PHKA2: variants seen among roughly 807,000 people sequenced by gnomAD.
PHKA2 encodes phosphorylase kinase regulatory subunit alpha 2.
PHKA2 carries 31 observed loss-of-function variants against 102.0 expected under a neutral mutation model. That is an observed-to-expected ratio of 0.30 (90% CI 0.23 to 0.41). PHKA2 has a LOEUF of 0.41. Ranked by LOEUF, PHKA2 falls within the 10% of genes least tolerant of loss-of-function variation. The probability of loss-of-function intolerance (pLI) is 1.00; values close to 1 mark genes in which losing one functional copy is unlikely to be tolerated. For missense variants in PHKA2, 858 were observed against 1,023.1 expected (o/e 0.84, Z 2.20); for synonymous variants, 455 against 416.2 (o/e 1.09, Z -1.13).
In PHKA2 at chrX:18,895,186, G is replaced by A. The variant is rs759139016; in HGVS notation, c.3288C>T (p.His1096=). 8 of 1,208,613 alleles carry A rather than the reference G, an allele frequency of 6.6e-6. No individual in the cohort carries two copies. The highest frequency in any genetic ancestry group is 5.9e-5 in the East Asian group (2 of 33,754). The stretch of plus-strand genomic sequence containing the variant: ...GGACATAACCATCGATGGAGAGACC[G>A]TGGCACTGGAGGCAGAATAGAGCGC... The part of the protein sequence containing the change: ...QRVWKILQKC[H]GLSIDGYVLP... Residue 1096 remains histidine (H), a synonymous_variant, in exon 31 of 33, where the codon CAC becomes CAT. Transcript: ENST00000379942.
chrX:18,954,167 C>G, intron 2 of PHKA2, 87 bp downstream of exon 2: 1 of 990,386 alleles, frequency 1.0e-6, no homozygotes, highest in Non-Finnish European at 1.4e-6. Context: ...CCAAACAGTT[C>G]TGCACACACA....
Position 18,935,634 on chromosome X carries a change from G to A in PHKA2, c.1137+421C>T, listed in dbSNP as rs1450789620. Among the ~76,000 whole-genome samples the A allele has an allele frequency of 5.5e-5, 6 of 108,614 alleles. No homozygotes were observed. The East Asian group carries it at 1.4e-3, about 26-fold the overall frequency. The allele number at this position is 108,614 out of a possible 115,157, so 94.3% of individuals were successfully genotyped here. On this transcript the variant is annotated intron_variant, in intron 11 of 32. Transcript: ENST00000379942. Reference sequence around the variant, plus strand: ...TTTTTTTTTTTTGAGATGGAGTCTCGTTCTGTAGCCCAGGCTAAAGTGCAG... The same window carrying A: ...TTTTTTTTTTTTGAGATGGAGTCTCATTCTGTAGCCCAGGCTAAAGTGCAG...
intron 1 of PHKA2, among the ~76,000 whole-genome samples, chrX:18,977,530 TCTC>T (rs769130792): frequency 9.0e-6 from 1 of 111,706 alleles, no homozygotes; most frequent in African/African-American, 3.2e-5. Flanking sequence ...TTTGTCAACT[TCTC>T]CTATAGTTAG....
rs376935748 is a variant in PHKA2 at position 18,916,581 on chromosome X, AT to A, written c.2137+2099del. On this transcript the variant is annotated intron_variant, in intron 19 of 32. Coordinates refer to ENST00000379942, the MANE Select transcript of PHKA2 (RefSeq NM_000292.3). ...GGGTCCCTCATGAATGGCTTGGGCC[AT>A]CCCCTTGGTGATAAGTGAGCTCTCA... Among the ~76,000 whole-genome samples the A allele has an allele frequency of 4.7e-4, 53 of 112,254 alleles. 1 individual carries two copies. The highest frequency in any genetic ancestry group is 1.7e-3 in the African/African-American group (51 of 30,898).
rs193268983 is a variant in PHKA2, at chrX:18,914,336, C to T, written c.2138-3376G>A. Among the ~76,000 whole-genome samples, 701 of 111,968 alleles carry T rather than the reference C, an allele frequency of 6.3e-3. 6 individuals are homozygous for T. Among genetic ancestry groups the T allele is most frequent in the African/African-American group, 0.021 (632 of 30,794 alleles). On this transcript the variant is annotated intron_variant, in intron 19 of 32. Transcript: ENST00000379942. ...GAATGAAGAAAAACAAGAAAGAAGA[C>T]GACAGGAACAGAATTTCAGAAGCGG... is the stretch of plus-strand genomic sequence containing the variant.
intron 19 of PHKA2, among the ~76,000 whole-genome samples, chrX:18,914,239 CG>C (rs1158714391): frequency 8.9e-6 from 1 of 112,085 alleles, no homozygotes; most frequent in African/African-American, 3.2e-5. Flanking sequence ...GCCATATATG[CG>C]GTCTGCCATT....
At chrX:18,959,684 C>A (rs1201138704) in intron 1 of PHKA2, among the ~76,000 whole-genome samples, 1 of 111,180 alleles carries the variant, frequency 9.0e-6, no homozygotes, top group African/African-American at 3.3e-5. Flanking sequence ...ATATCAGGGG[C>A]AAATTCTGTA....
At chrX:18,958,993 A>AG (rs1372543847) in intron 1 of PHKA2, among the ~76,000 whole-genome samples, 2 of 111,882 alleles carry the variant, frequency 1.8e-5, no homozygotes, top group Non-Finnish European at 3.8e-5. Context: ...TATAGGCATG[A>AG]GCCACCACAC....
chrX:18,929,181 CAT>C (rs1301485007), intron 13 of PHKA2, 45 bp downstream of exon 13: 1 of 859,238 alleles, frequency 1.2e-6, no homozygotes, highest in Non-Finnish European at 1.7e-6. Flanking sequence ...ATTAAAATAA[CAT>C]TGGTTTTACA....
At chrX:18,945,661 G>C (rs1271712387) in intron 5 of PHKA2, among the ~76,000 whole-genome samples, 1 of 112,011 alleles carries the variant, frequency 8.9e-6, no homozygotes, top group Non-Finnish European at 1.9e-5. Context: ...TGGAGCCAAA[G>C]TCACAACTGA....
At chrX:18,939,651 A>G (rs925078021) in intron 9 of PHKA2, among the ~76,000 whole-genome samples, 16 of 111,243 alleles carry the variant, frequency 1.4e-4, no homozygotes, top group Middle Eastern at 4.6e-3. Context: ...CCGCCACCAC[A>G]CCCGGCTAAT....
At chrX:18,935,401 C>T (rs1304426900) in intron 11 of PHKA2, among the ~76,000 whole-genome samples, 2 of 111,744 alleles carry the variant, frequency 1.8e-5, no homozygotes, top group East Asian at 5.6e-4. Context: ...TACCCCTGTA[C>T]ATTGGCCTTC....
chrX:18,936,731 A>C lies in PHKA2; in HGVS notation c.1042-581T>G, dbSNP rs146885441. On this transcript the variant is annotated intron_variant, in intron 10 of 32. Coordinates refer to ENST00000379942, the MANE Select transcript of PHKA2 (RefSeq NM_000292.3). ...GATGGAATTGGAGGTCAGTGTGTTA[A>C]GTGAAATAAGCCAGGCACAGAAAGA... 3.6e-5 allele frequency among the ~76,000 whole-genome samples: 4 copies of C among 112,392 alleles called. No homozygotes were observed. The East Asian group carries it at 1.1e-3, about 31-fold the overall frequency.
intron 25 of PHKA2, 102 bp from the exon 26 acceptor site, chrX:18,905,961 A>G (rs1392878189): frequency 3.5e-6 from 2 of 565,162 alleles, no homozygotes; most frequent in Non-Finnish European, 6.2e-6. Flanking sequence ...AGCAGATGCC[A>G]TGGCAGGTCC....
intron 19 of PHKA2, among the ~76,000 whole-genome samples, chrX:18,913,739 C>A (rs994463021): frequency 8.9e-6 from 1 of 112,189 alleles, no homozygotes; most frequent in Non-Finnish European, 1.9e-5. Context: ...AAGCTTTGAT[C>A]TATTTTTTAG....
intron 9 of PHKA2, 36 bp downstream of exon 9, chrX:18,939,959 G>A (rs750883918): frequency 1.0e-6 from 1 of 970,545 alleles, no homozygotes; most frequent in Non-Finnish European, 1.5e-6. Context: ...AGATGAAACA[G>A]TTGAGGAAAG....
intron 5 of PHKA2, among the ~76,000 whole-genome samples, chrX:18,947,760 C>G (rs2048607918): frequency 8.9e-6 from 1 of 112,179 alleles, no homozygotes; most frequent in Admixed American, 9.4e-5. Context: ...ACCAAAGGCC[C>G]ATCAGTCAAC....
At chrX:18,913,858 TTG>T (rs2047972699) in intron 19 of PHKA2, among the ~76,000 whole-genome samples, 1 of 112,170 alleles carries the variant, frequency 8.9e-6, no homozygotes, top group South Asian at 3.7e-4. Flanking sequence ...CCTCCACAGC[TTG>T]TCCCACTGGA....
intron 17 of PHKA2, among the ~76,000 whole-genome samples, chrX:18,922,992 C>A (rs939472552): frequency 4.6e-5 from 5 of 108,843 alleles, no homozygotes; most frequent in African/African-American, 1.7e-4. Context: ...CAAACAGAAG[C>A]CTCCCTGAGC....
Sources: gnomAD v4.1 joint callset for allele counts (sites outside exome capture counted in the v4.1 genomes callset) on GRCh38, gnomAD v4.1.1 for gene constraint, MANE v1.5 for transcripts, NCBI Gene and HGNC (gene_info 2026-07-23, HGNC 2026-07-21) for gene names.